The following HSD17B6 variants were observed in gnomAD, a reference collection of about 807,000 sequenced individuals.
HSD17B6 encodes 17-beta-hydroxysteroid dehydrogenase type 6.
Under a neutral mutation model 26.4 loss-of-function variants are expected in HSD17B6, and 16 were observed. That is an observed-to-expected ratio of 0.61 (90% CI 0.41 to 0.92). The LOEUF (loss-of-function observed/expected upper bound fraction) is 0.92. HSD17B6 is among the 40% of genes least tolerant of loss of function. The pLI is 0.00. For synonymous variants in HSD17B6, 139 were observed against 153.0 expected (o/e 0.91, Z 0.68); for missense variants, 357 against 386.1 (o/e 0.92, Z 0.63).
At chr12:56,783,390 C>T (rs1311394631) in intron 3 of HSD17B6, among the ~76,000 whole-genome samples, 7 of 125,358 alleles carry the variant, frequency 5.6e-5, no homozygotes, top group Non-Finnish European at 1.0e-4. Flanking sequence ...CCCTCCCGGA[C>T]GGGGCGGCTG....
Position 56,784,075 on chromosome 12 carries a change from G to A in HSD17B6, c.573-778G>A, listed in dbSNP as rs554894312. On this transcript the variant is annotated intron_variant, in intron 3 of 4. Coordinates refer to ENST00000322165, the MANE Select transcript of HSD17B6 (RefSeq NM_003725.4). The stretch of plus-strand genomic sequence containing the variant: ...CAGAGGCGCTCCCCACATCTCAGAC[G>A]ATGGGCAGCCGGGCAGAGACGCTCC... Among the ~76,000 whole-genome samples, 947 of 151,364 alleles carry A rather than the reference G, an allele frequency of 6.3e-3. 3 individuals are homozygous for A. The highest frequency in any genetic ancestry group is 0.01 in the Non-Finnish European group (707 of 67,770).
intron 2 of HSD17B6, among the ~76,000 whole-genome samples, chr12:56,781,166 A>G (rs1407003792): frequency 2.6e-5 from 4 of 152,216 alleles, no homozygotes; most frequent in Non-Finnish European, 2.9e-5. Context: ...GAAAATTCTT[A>G]GCCATCATTA....
intron 1 of HSD17B6, among the ~76,000 whole-genome samples, chr12:56,767,740 AT>A (rs1954371001): frequency 6.9e-6 from 1 of 145,484 alleles, no homozygotes; most frequent in Non-Finnish European, 1.5e-5. Flanking sequence ...ATATATATGT[AT>A]TATATATACG....
chr12:56,769,855 G>A (rs574638831), intron 1 of HSD17B6, among the ~76,000 whole-genome samples: 3 of 144,810 alleles, frequency 2.1e-5, no homozygotes, highest in East Asian at 2.1e-4. Context: ...TTGGGATTCC[G>A]CCAGGTGTAT....
rs1355994504 is a variant in HSD17B6 at position 56,785,009 on chromosome 12, T to G, written c.729T>G (p.Phe243Leu). 6.2e-7 allele frequency: 1 copy of G among 1,611,054 alleles called. No homozygotes were observed. Among genetic ancestry groups the G allele is most frequent in the Admixed American group, 1.7e-5 (1 of 59,094 alleles). The change falls in exon 4 of 5, where the codon TTT (phenylalanine) becomes TTG (leucine). Residue 243 changes from phenylalanine (F) to leucine (L), a missense_variant. By Grantham distance (22) the Phe-to-Leu change is conservative (BLOSUM62 0). Transcript: ENST00000322165. ...AGGAGACCTATGGACAGCAGTATTT[T>G]GATGCCCGTAAGCTTTTTTCTTTTG... ...HIKETYGQQY[F>L]DALYNIMKEG...
At chr12:56,787,000 T>C (rs1954888848) in intron 4 of HSD17B6, 125 bp from the exon 5 acceptor site, 1 of 694,990 alleles carries the variant, frequency 1.4e-6, no homozygotes, top group South Asian at 1.9e-5. Context: ...GGCTATCATA[T>C]TGGGATGCAC....
rs1306781840 is a variant in HSD17B6 at position 56,783,791 on chromosome 12, G to A, written c.573-1062G>A. Reference sequence around the variant, plus strand: ...CGGGCAGAGGCACCCCTCACCTCCCGGACGGGGCGGCTGGCCGGGCGGGGG... The same window carrying A: ...CGGGCAGAGGCACCCCTCACCTCCCAGACGGGGCGGCTGGCCGGGCGGGGG... On this transcript the variant is annotated intron_variant, in intron 3 of 4. Transcript: ENST00000322165. 8.8e-5 allele frequency among the ~76,000 whole-genome samples: 13 copies of A among 147,232 alleles called. 1 individual carries two copies. Among genetic ancestry groups the A allele is most frequent in the African/African-American group, 2.5e-4 (10 of 39,686 alleles).
chr12:56,770,515 G>C (rs1954446387), intron 1 of HSD17B6: 1 of 152,186 alleles, frequency 6.6e-6, no homozygotes, highest in Non-Finnish European at 1.5e-5. Flanking sequence ...GCTTTCATCA[G>C]CTTGCTTTTT....
At chr12:56,776,640 G>GT (rs1260521993) in intron 2 of HSD17B6, among the ~76,000 whole-genome samples, 1 of 151,718 alleles carries the variant, frequency 6.6e-6, no homozygotes, top group Non-Finnish European at 1.5e-5. Flanking sequence ...GCTCATTTCT[G>GT]TTTTTTTGTT....
intron 3 of HSD17B6, among the ~76,000 whole-genome samples, 162 bp from the exon 4 acceptor site, chr12:56,784,690 TG>T (rs1954836404): frequency 6.6e-6 from 1 of 151,790 alleles, no homozygotes; most frequent in African/African-American, 2.4e-5. Context: ...AGGGAGACCG[TG>T]GGGAGAGGGA....
intron 4 of HSD17B6, among the ~76,000 whole-genome samples, chr12:56,786,585 C>G (rs1009462280): frequency 6.6e-6 from 1 of 152,182 alleles, no homozygotes. Flanking sequence ...CGTGGTGCCT[C>G]ACACCTATAA....
intron 1 of HSD17B6, among the ~76,000 whole-genome samples, chr12:56,765,619 C>G (rs997777144): frequency 1.8e-4 from 27 of 151,996 alleles, no homozygotes; most frequent in African/African-American, 6.3e-4. Flanking sequence ...CCCCCTCCCC[C>G]CACCGTGTCA....
At chr12:56,774,287 G>T in intron 2 of HSD17B6, 122 bp downstream of exon 2, 1 of 848,532 alleles carries the variant, frequency 1.2e-6, no homozygotes, top group Non-Finnish European at 1.8e-6. Flanking sequence ...AAAATCCGAG[G>T]ATGCTCAAAT....
At position 56,787,514 on chromosome 12, in the gene HSD17B6, T is replaced by C; in HGVS notation, c.*172T>C. 1.7e-6 allele frequency: 1 copy of C among 595,370 alleles called. No individual in the cohort carries two copies. The highest frequency in any genetic ancestry group is 3.0e-6 in the Non-Finnish European group (1 of 337,784). The allele number at this position is 595,370 out of a possible 1,614,324, so 36.9% of individuals were successfully genotyped here. ...TGTTTATATTTCAGATATCCAAAGC[T>C]TACCACTTTAGGTGATGAATCTTTA... On this transcript the variant is annotated 3_prime_UTR_variant, in exon 5 of 5. Coordinates refer to ENST00000322165, the MANE Select transcript of HSD17B6 (RefSeq NM_003725.4).
intron 1 of HSD17B6, among the ~76,000 whole-genome samples, chr12:56,765,582 C>T (rs965525178): frequency 5.9e-5 from 9 of 151,986 alleles, no homozygotes; most frequent in Admixed American, 6.6e-5. Context: ...ACTGCAACCT[C>T]GACCTCCCAG....
At chr12:56,774,268 G>C (rs910451492) in intron 2 of HSD17B6, 103 bp downstream of exon 2, 3 of 1,050,544 alleles carry the variant, frequency 2.9e-6, no homozygotes, top group African/African-American at 3.2e-5. Context: ...AGGACTGCTT[G>C]TGGATACTAA....
intron 1 of HSD17B6, among the ~76,000 whole-genome samples, chr12:56,763,637 C>T (rs1320026984): frequency 1.3e-5 from 2 of 151,916 alleles, no homozygotes; most frequent in African/African-American, 4.8e-5. Flanking sequence ...TGGGAGAGTA[C>T]TGGTTACAAG....
intron 3 of HSD17B6, among the ~76,000 whole-genome samples, chr12:56,782,978 G>A (rs1954758965): frequency 6.6e-6 from 1 of 152,312 alleles, no homozygotes; most frequent in Admixed American, 6.5e-5. Context: ...AGATCAACAG[G>A]ATCCCAAGGC....
chr12:56,765,435 A>G (rs1482042533), intron 1 of HSD17B6, among the ~76,000 whole-genome samples: 5 of 152,096 alleles, frequency 3.3e-5, no homozygotes, highest in African/African-American at 1.2e-4. Flanking sequence ...ATTCCGTCTC[A>G]AAACAAACAA....
Sources: gnomAD v4.1 joint callset for allele counts (sites outside exome capture counted in the v4.1 genomes callset) on GRCh38, gnomAD v4.1.1 for gene constraint, MANE v1.5 for transcripts, NCBI Gene and HGNC (gene_info 2026-07-23, HGNC 2026-07-21) for gene names.